Variants in LYST observed in about 807,000 individuals in gnomAD.
The protein encoded by LYST is lysosomal-trafficking regulator.
A neutral mutation model predicts 413.6 loss-of-function variants in LYST; 192 were observed. The ratio of observed to expected loss-of-function variants is 0.46; its 90% CI spans 0.41 to 0.52. The LOEUF is 0.52. Among genes scored for constraint, LYST ranks in the 20% least tolerant of loss-of-function variants. LYST has a pLI of 0.00. For synonymous variants in LYST, 1,525 were observed against 1,567.3 expected (o/e 0.97, Z 0.64); for missense variants, 3,815 against 4,499.9 (o/e 0.85, Z 4.35).
At chr1:235,862,937 T>C (rs183997520) in intron 1 of LYST, among the ~76,000 whole-genome samples, 30 of 152,274 alleles carry the variant, frequency 2.0e-4, no homozygotes, top group African/African-American at 6.7e-4. Flanking sequence ...AATGAGGTGT[T>C]GCCTGATTCT....
chr1:235,803,690 A>G (rs909616354), intron 7 of LYST, among the ~76,000 whole-genome samples: 17 of 152,154 alleles, frequency 1.1e-4, no homozygotes, highest in Non-Finnish European at 5.9e-5. Flanking sequence ...ATACTTCATC[A>G]TTGTAACAAC....
intron 14 of LYST, among the ~76,000 whole-genome samples, chr1:235,786,613 G>A (rs1315171053): frequency 3.3e-5 from 5 of 151,860 alleles, no homozygotes; most frequent in East Asian, 1.9e-4. Context: ...TGTTTATTGC[G>A]GCACTATTCA....
chr1:235,779,194 T>C (rs1305734396), intron 16 of LYST, among the ~76,000 whole-genome samples: 1 of 152,172 alleles, frequency 6.6e-6, no homozygotes, highest in Non-Finnish European at 1.5e-5. Flanking sequence ...CTAACCATTG[T>C]TTCACAAGCT....
In LYST at chr1:235,728,164, A is replaced by C. The variant is rs201266921; in HGVS notation, c.9107-33T>G. On this transcript the variant is annotated intron_variant, in intron 37 of 52. Transcript: ENST00000389793. ...AAGTAATTGGATATAAGGGTTTTAAAATGTATGTGCACACTACCATTCATG... is the reference window on the plus strand; with the variant it reads ...AAGTAATTGGATATAAGGGTTTTAACATGTATGTGCACACTACCATTCATG... 7.4e-4 allele frequency: 1,102 copies of C among 1,479,202 alleles called. 2 individuals are homozygous for C. Among genetic ancestry groups the C allele is most frequent in the Non-Finnish European group, 9.9e-4 (1,052 of 1,057,458 alleles). The allele number at this position is 1,479,202 out of a possible 1,614,324, so 91.6% of individuals were successfully genotyped here. A position where few individuals can be genotyped will look rare whatever the true frequency, so the allele number is the denominator to read the frequency against.
chr1:235,808,810 G>A lies in LYST; in HGVS notation c.2008C>T (p.Pro670Ser). Reference sequence around the variant, plus strand: ...AGGATCCCTTGAAATCTGTAAGAAGGACTGGATAAACTTGAGGAGAGTTCA... The same window carrying A: ...AGGATCCCTTGAAATCTGTAAGAAGAACTGGATAAACTTGAGGAGAGTTCA... ...DAELSSSLSS[P>S]SYRFQGILPS... The change falls in exon 5 of 53, where the codon CCT becomes TCT. Residue 670 changes from proline (P) to serine (S), a missense_variant. Transcript: ENST00000389793. 2 of 1,614,006 alleles carry A rather than the reference G, an allele frequency of 1.2e-6. No individual in the cohort carries two copies. The highest frequency in any genetic ancestry group is 1.7e-6 in the Non-Finnish European group (2 of 1,179,988).
At chr1:235,712,992 A>C in intron 42 of LYST, 1 of 985,334 alleles carries the variant, frequency 1.0e-6, no homozygotes, top group Non-Finnish European at 1.2e-6. Context: ...CATCATCTAA[A>C]ACTCCTCTGA....
In LYST at chr1:235,664,637, C is replaced by T; in HGVS notation, c.11039-16G>A. The T allele has an allele frequency of 1.9e-6, 3 of 1,614,068 alleles. No homozygotes were observed. The highest frequency in any genetic ancestry group is 2.2e-5 in the East Asian group (1 of 44,878). ...CCTCCGCCAGCTAAAACACCCAAAT[C>T]ATCCGGCGGGTTACCAGAATGTGGC... On this transcript the variant is annotated splice_polypyrimidine_tract_variant and intron_variant, in intron 50 of 52. Coordinates refer to ENST00000389793, the MANE Select transcript of LYST (RefSeq NM_000081.4). The surrounding 1 kb of genome is among the most constrained non-coding windows in gnomAD (Gnocchi z 4.5).
chr1:235,749,440 G>A (rs926547051), intron 28 of LYST, among the ~76,000 whole-genome samples: 1 of 152,126 alleles, frequency 6.6e-6, no homozygotes, highest in Non-Finnish European at 1.5e-5. Flanking sequence ...ACTTCAGAGA[G>A]AGAGAGAGAT....
At chr1:235,784,108 G>A (rs550781279) in intron 14 of LYST, among the ~76,000 whole-genome samples, 29 of 152,140 alleles carry the variant, frequency 1.9e-4, no homozygotes, top group African/African-American at 7.0e-4. Flanking sequence ...TTGAATTCCC[G>A]TGCTCAAGCA....
In LYST at chr1:235,805,989, T is replaced by C. The variant is rs1235045253; in HGVS notation, c.3147A>G (p.Pro1049=). Residue 1049 remains proline, a synonymous_variant, in exon 6 of 53, where the codon CCA becomes CCG. Transcript: ENST00000389793. The part of the protein sequence containing the change: ...LSLAIKSDPI[P]SELGSLKKSA... ...TCTTTTTTAGACTACCTAGTTCTGA[T>C]GGTATGGGGTCACTTTTTATAGCCA... 5 of 1,613,814 alleles carry C rather than the reference T, an allele frequency of 3.1e-6. No homozygotes were observed. Among genetic ancestry groups the C allele is most frequent in the Non-Finnish European group, 2.5e-6 (3 of 1,179,764 alleles).
chr1:235,732,300 C>CTTTCTT (rs1482175400), intron 34 of LYST, among the ~76,000 whole-genome samples: 1 of 151,972 alleles, frequency 6.6e-6, no homozygotes, highest in Non-Finnish European at 1.5e-5. Context: ...TTTATGTTTA[C>CTTTCTT]TTTCTTTTTC....
intron 12 of LYST, 59 bp downstream of exon 12, chr1:235,791,640 G>T: frequency 7.0e-7 from 1 of 1,435,248 alleles, no homozygotes; most frequent in Non-Finnish European, 9.7e-7. Context: ...TACGGCTCAA[G>T]GAAAATTATA....
In LYST at chr1:235,739,349, T is replaced by C. The variant is rs147426732; in HGVS notation, c.8358+2073A>G. 5.3e-5 allele frequency among the ~76,000 whole-genome samples: 8 copies of C among 152,356 alleles called. No individual in the cohort carries two copies. In the East Asian group the frequency reaches 1.5e-3, roughly 29 times the overall value. ...TTGAGCCAGATGGATGTTTACCGTG[T>C]GTTATATAAATAACTTCCTGGCTCC... On this transcript the variant is annotated intron_variant, in intron 31 of 52. Coordinates refer to ENST00000389793, the MANE Select transcript of LYST (RefSeq NM_000081.4).
At chr1:235,730,978 A>G (rs1424130931) in intron 35 of LYST, 35 bp from the exon 36 acceptor site, 1 of 1,605,466 alleles carries the variant, frequency 6.2e-7, no homozygotes, top group Admixed American at 1.7e-5. Flanking sequence ...ATCTTTATCT[A>G]ATGACCATAG....
intron 28 of LYST, among the ~76,000 whole-genome samples, chr1:235,750,979 T>G (rs1666434933): frequency 6.6e-6 from 1 of 152,186 alleles, no homozygotes; most frequent in Non-Finnish European, 1.5e-5. Flanking sequence ...TTTTCATCAT[T>G]GTATCTCCAA....
intron 47 of LYST, among the ~76,000 whole-genome samples, chr1:235,691,518 G>A (rs1169551870): frequency 2.0e-5 from 3 of 152,142 alleles, no homozygotes; most frequent in Non-Finnish European, 4.4e-5. Flanking sequence ...TAATGACAAA[G>A]GTGAGTGAAC....
intron 1 of LYST, among the ~76,000 whole-genome samples, chr1:235,835,862 G>A (rs1676514520): frequency 6.6e-6 from 1 of 152,110 alleles, no homozygotes; most frequent in Non-Finnish European, 1.5e-5. Context: ...CAGGGACCCT[G>A]TCTTATTACT....
intron 45 of LYST, among the ~76,000 whole-genome samples, chr1:235,698,715 C>CA (rs1275351020): frequency 1.9e-4 from 29 of 152,000 alleles, no homozygotes; most frequent in African/African-American, 7.0e-4. Context: ...ACTAAAAATA[C>CA]AAAAAAATTT....
chr1:235,729,481 A>T, intron 37 of LYST, 115 bp downstream of exon 37: 1 of 735,842 alleles, frequency 1.4e-6, no homozygotes, highest in Non-Finnish European at 2.4e-6. Context: ...AGCCTATATG[A>T]TACTACAGAA....
Sources: allele counts gnomAD v4.1 joint callset (sites outside exome capture counted in the v4.1 genomes callset), GRCh38; gene constraint gnomAD v4.1.1; non-coding constraint Gnocchi (gnomAD v3.1); transcripts MANE v1.5; gene names NCBI Gene and HGNC (gene_info 2026-07-23, HGNC 2026-07-21).